ATRNL1: variants seen among roughly 807,000 people sequenced by gnomAD.
The protein encoded by ATRNL1 is attractin like 1, also known as attractin-like protein 1.
A neutral mutation model predicts 182.7 loss-of-function variants in ATRNL1; 95 were observed. The observed-to-expected ratio is 0.52, with a 90% CI of 0.44 to 0.62. ATRNL1 has a LOEUF of 0.62. Among genes scored for constraint, ATRNL1 ranks in the 20% least tolerant of loss-of-function variants. ATRNL1 has a pLI of 0.00. For synonymous variants in ATRNL1, 576 were observed against 568.3 expected (o/e 1.01, Z -0.19); for missense variants, 1,471 against 1,679.5 (o/e 0.88, Z 2.17).
At chr10:115,202,404 C>T (rs1848618850) in intron 8 of ATRNL1, among the ~76,000 whole-genome samples, 1 of 151,688 alleles carries the variant, frequency 6.6e-6, no homozygotes, top group Non-Finnish European at 1.5e-5. Context: ...GAGATACATC[C>T]CATCAATACC....
At chr10:115,823,248 C>T (rs529581748) in intron 27 of ATRNL1, among the ~76,000 whole-genome samples, 149 of 152,270 alleles carry the variant, frequency 9.8e-4, no homozygotes, top group African/African-American at 3.4e-3. Flanking sequence ...TTAAAGCTCT[C>T]AATAAACTAG....
chr10:115,595,732 C>G (rs1406027166), intron 26 of ATRNL1, among the ~76,000 whole-genome samples: 10 of 152,000 alleles, frequency 6.6e-5, no homozygotes, highest in Admixed American at 5.9e-4. Context: ...ATATTTATGA[C>G]TCAGTATTTT....
intron 1 of ATRNL1, among the ~76,000 whole-genome samples, chr10:115,098,423 T>A (rs931677168): frequency 6.7e-6 from 1 of 149,568 alleles, no homozygotes; most frequent in East Asian, 2.0e-4. Context: ...TTACTGATCA[T>A]CCTTCTAATC....
chr10:115,559,918 C>CATCT (rs1185230855), intron 26 of ATRNL1, among the ~76,000 whole-genome samples: 1 of 152,028 alleles, frequency 6.6e-6, no homozygotes, highest in Non-Finnish European at 1.5e-5. Flanking sequence ...ACATAAGAGC[C>CATCT]ATCTAGATTG....
At chr10:115,285,558 G>T (rs1335310067) in intron 14 of ATRNL1, among the ~76,000 whole-genome samples, 3 of 152,014 alleles carry the variant, frequency 2.0e-5, no homozygotes, top group Non-Finnish European at 4.4e-5. Context: ...TTTGGAAAAC[G>T]GTGTTTCAAG....
intron 7 of ATRNL1, among the ~76,000 whole-genome samples, chr10:115,167,536 G>C (rs937980256): frequency 2.6e-5 from 4 of 151,882 alleles, no homozygotes; most frequent in African/African-American, 7.3e-5. Context: ...ACACTTGTTT[G>C]GTTTTCATTT....
At chr10:115,843,384 T>C (rs1950855150) in intron 27 of ATRNL1, among the ~76,000 whole-genome samples, 1 of 152,036 alleles carries the variant, frequency 6.6e-6, no homozygotes, top group Non-Finnish European at 1.5e-5. Context: ...CCAGCTGTTA[T>C]TCAAAGTAGA....
intron 21 of ATRNL1, among the ~76,000 whole-genome samples, chr10:115,446,614 A>C (rs1483387947): frequency 6.6e-6 from 1 of 151,980 alleles, no homozygotes; most frequent in Non-Finnish European, 1.5e-5. Context: ...GCAAGTCAAA[A>C]TAATGTAAGA....
intron 28 of ATRNL1, among the ~76,000 whole-genome samples, chr10:115,871,312 A>T (rs1250886216): frequency 1.3e-5 from 2 of 151,316 alleles, no homozygotes; most frequent in Non-Finnish European, 2.9e-5. Flanking sequence ...TAACAATGAC[A>T]ATGACAACAA....
At chr10:115,575,694 GATATAC>G (rs1854658634) in intron 26 of ATRNL1, among the ~76,000 whole-genome samples, 1 of 151,844 alleles carries the variant, frequency 6.6e-6, no homozygotes, top group Admixed American at 6.6e-5. Flanking sequence ...ATAATGTTTT[GATATAC>G]ATATACATAG....
At chr10:115,123,022 ATT>A (rs1455559128) in intron 3 of ATRNL1, among the ~76,000 whole-genome samples, 9 of 152,130 alleles carry the variant, frequency 5.9e-5, no homozygotes, top group African/African-American at 2.2e-4. Flanking sequence ...GTGCCTGTTC[ATT>A]TGTTTGTCTA....
In ATRNL1 at chr10:115,093,676, G is replaced by A. The variant is rs1019461084; in HGVS notation, c.-75G>A. On this transcript the variant is annotated 5_prime_UTR_variant, in exon 1 of 29. Transcript: ENST00000355044. The surrounding 1 kb of genome is among the most constrained non-coding windows in gnomAD (Gnocchi z 6.1). ...AAGCGGCGGCGGAGAGGTTTTCTGC[G>A]GCCGGAATTCCCTTCAACAGCATCC... The A allele has an allele frequency of 7.2e-5, 102 of 1,417,860 alleles. No homozygotes were observed. The African/African-American group carries it at 9.9e-4, about 14-fold the overall frequency. 87.8% of individuals were successfully genotyped at this position (1,417,860 alleles called of 1,614,324 possible).
rs1290716848 is a variant in ATRNL1, at chr10:115,556,916, T to C, written c.3795+7380T>C. ...TGTGTATGTGTGTATTTGCATGCCA[T>C]TCTACTGTTCCATCCCCATCAGATA... On this transcript the variant is annotated intron_variant, in intron 26 of 28. Coordinates refer to ENST00000355044, the MANE Select transcript of ATRNL1 (RefSeq NM_207303.4). Among the ~76,000 whole-genome samples the C allele has an allele frequency of 2.6e-5, 4 of 151,478 alleles. No homozygotes were observed. The East Asian group carries it at 7.8e-4, about 29-fold the overall frequency.
At chr10:115,383,193 C>A (rs1858128985) in intron 19 of ATRNL1, among the ~76,000 whole-genome samples, 1 of 150,552 alleles carries the variant, frequency 6.6e-6, no homozygotes, top group Non-Finnish European at 1.5e-5. Context: ...GTATGTGAAA[C>A]CAACTTTATT....
chr10:115,820,601 C>G (rs548238299), intron 27 of ATRNL1: 2 of 152,246 alleles, frequency 1.3e-5, no homozygotes, highest in African/African-American at 4.8e-5. Context: ...TTACTACAGC[C>G]TGTCAGAGGC....
intron 19 of ATRNL1, among the ~76,000 whole-genome samples, chr10:115,393,520 G>C (rs369795664): frequency 6.6e-6 from 1 of 152,192 alleles, no homozygotes; most frequent in East Asian, 1.9e-4. Flanking sequence ...TCAATAGAAT[G>C]GTTTAGCTAA....
chr10:115,119,554 A>C (rs1844637679), intron 1 of ATRNL1, among the ~76,000 whole-genome samples: 1 of 152,064 alleles, frequency 6.6e-6, no homozygotes, highest in African/African-American at 2.4e-5. Context: ...TTAATTTCTG[A>C]AAATAGAGTT....
At chr10:115,656,325 G>A (rs186871947) in intron 26 of ATRNL1, among the ~76,000 whole-genome samples, 1 of 152,258 alleles carries the variant, frequency 6.6e-6, no homozygotes, top group Non-Finnish European at 1.5e-5. Context: ...CCTGGATGAA[G>A]CCAGTATCTT....
At chr10:115,481,263 A>T (rs1420941636) in intron 24 of ATRNL1, among the ~76,000 whole-genome samples, 1 of 150,488 alleles carries the variant, frequency 6.6e-6, no homozygotes, top group East Asian at 1.9e-4. Flanking sequence ...ATACTTCCAT[A>T]GTCTGTTACT....
Sources: gnomAD v4.1 joint callset for allele counts (sites outside exome capture counted in the v4.1 genomes callset) on GRCh38, gnomAD v4.1.1 for gene constraint, Gnocchi (gnomAD v3.1) non-coding constraint, MANE v1.5 for transcripts, NCBI Gene and HGNC (gene_info 2026-07-23, HGNC 2026-07-21) for gene names.